TANC1: variants seen among roughly 807,000 people sequenced by gnomAD.
TANC1 encodes protein TANC1.
In TANC1, 77 loss-of-function variants were observed where a neutral mutation model predicts 149.7. The observed-to-expected ratio is 0.51, with a 90% CI of 0.43 to 0.62. TANC1 has a LOEUF of 0.62. Among genes scored for constraint, TANC1 ranks in the 20% least tolerant of loss-of-function variants. The pLI is 0.00. For synonymous variants in TANC1, 854 were observed against 925.0 expected (o/e 0.92, Z 1.39); for missense variants, 1,985 against 2,321.8 (o/e 0.85, Z 2.98).
At chr2:159,181,966 A>T (rs1008527559) in intron 14 of TANC1, among the ~76,000 whole-genome samples, 1 of 152,062 alleles carries the variant, frequency 6.6e-6, no homozygotes, top group African/African-American at 2.4e-5. Context: ...TTTGGGAGGC[A>T]GAGATGGGTG....
intron 3 of TANC1, among the ~76,000 whole-genome samples, chr2:159,075,416 CAAAA>C (rs55932985): frequency 1.4e-5 from 2 of 143,926 alleles, no homozygotes; most frequent in Admixed American, 7.0e-5. Context: ...AAAAAAAAAA[CAAAA>C]AAAAAACTGG....
At chr2:159,196,436 C>T (rs1304872358) in intron 17 of TANC1, among the ~76,000 whole-genome samples, 172 bp from the exon 18 acceptor site, 2 of 152,188 alleles carry the variant, frequency 1.3e-5, no homozygotes, top group African/African-American at 2.4e-5. Context: ...ACATTCATTA[C>T]CATCTGGAAG....
chr2:159,025,018 C>T (rs2039148153), intron 2 of TANC1, among the ~76,000 whole-genome samples: 1 of 152,150 alleles, frequency 6.6e-6, no homozygotes, highest in African/African-American at 2.4e-5. Flanking sequence ...TCCTCTATCC[C>T]CATCATTAAG....
At chr2:158,988,763 C>T (rs2035300472) in intron 1 of TANC1, among the ~76,000 whole-genome samples, 1 of 152,164 alleles carries the variant, frequency 6.6e-6, no homozygotes, top group Non-Finnish European at 1.5e-5. Context: ...AGCAGGCATT[C>T]TTTCTTCCTA....
intron 1 of TANC1, among the ~76,000 whole-genome samples, chr2:158,995,921 G>T (rs1477353963): frequency 6.6e-6 from 1 of 152,204 alleles, no homozygotes; most frequent in Non-Finnish European, 1.5e-5. Flanking sequence ...GGTGCACTCT[G>T]CCTGGTCCAC....
intron 4 of TANC1, among the ~76,000 whole-genome samples, chr2:159,117,192 C>T (rs2048350992): frequency 6.6e-6 from 1 of 152,086 alleles, no homozygotes; most frequent in South Asian, 2.1e-4. Context: ...GTGACGAGAC[C>T]TCTTAGTTAC....
chr2:159,206,223 G>A (rs1218606086), intron 19 of TANC1, among the ~76,000 whole-genome samples: 1 of 152,166 alleles, frequency 6.6e-6, no homozygotes, highest in Non-Finnish European at 1.5e-5. Flanking sequence ...GGACAAAGTG[G>A]GGTTACCAAC....
intron 2 of TANC1, among the ~76,000 whole-genome samples, chr2:159,010,163 G>A (rs1231371611): frequency 6.6e-6 from 1 of 152,116 alleles, no homozygotes; most frequent in Non-Finnish European, 1.5e-5. Flanking sequence ...AGCTAGTCTG[G>A]CAGTATTCAG....
At position 159,181,156 on chromosome 2, in the gene TANC1, T is replaced by C. The variant is rs2056426090; in HGVS notation, c.2510+1993T>C. Among the ~76,000 whole-genome samples the C allele has an allele frequency of 1.3e-5, 2 of 152,236 alleles. 1 individual carries two copies. The highest frequency in any genetic ancestry group is 4.1e-4 in the South Asian group (2 of 4,828). On this transcript the variant is annotated intron_variant, in intron 14 of 26. Coordinates refer to ENST00000263635, the MANE Select transcript of TANC1 (RefSeq NM_033394.3). The stretch of plus-strand genomic sequence containing the variant: ...TCTTCTTTTTCTCTTGGAATTCTTA[T>C]CTGGGTTTTTGCTTAACACATCACG...
In TANC1 at chr2:159,081,621, G is replaced by A. The variant is rs76039206; in HGVS notation, c.61+15650G>A. On this transcript the variant is annotated intron_variant, in intron 3 of 26. Transcript: ENST00000263635. ...TGTTGGGGAGAAATTGATGGGAGAT[G>A]AGAAAACAGTTTGGATTTTGTGTAT... Among the ~76,000 whole-genome samples the A allele has an allele frequency of 2.1e-3, 318 of 152,342 alleles. 2 individuals are homozygous for A. Among genetic ancestry groups the A allele is most frequent in the African/African-American group, 7.1e-3 (295 of 41,574 alleles).
At chr2:159,099,968 G>A (rs192341471) in intron 4 of TANC1, among the ~76,000 whole-genome samples, 1 of 152,136 alleles carries the variant, frequency 6.6e-6, no homozygotes, top group South Asian at 2.1e-4. Context: ...GTATCACTGA[G>A]TAGTTTTTTC....
intron 5 of TANC1, among the ~76,000 whole-genome samples, chr2:159,146,500 G>A (rs2052101901): frequency 6.6e-6 from 1 of 150,466 alleles, no homozygotes; most frequent in Non-Finnish European, 1.5e-5. Flanking sequence ...GTGCAGTTAA[G>A]AGAACAGTTG....
intron 2 of TANC1, among the ~76,000 whole-genome samples, chr2:159,039,892 G>A (rs570578160): frequency 2.0e-5 from 3 of 152,282 alleles, no homozygotes; most frequent in African/African-American, 7.2e-5. Flanking sequence ...CTGAGTTCAA[G>A]TCCTGGCTAT....
chr2:159,040,833 G>A (rs755778428), intron 2 of TANC1, among the ~76,000 whole-genome samples: 2 of 152,198 alleles, frequency 1.3e-5, no homozygotes, highest in African/African-American at 2.4e-5. Flanking sequence ...CTTTGGAGGA[G>A]AAGAGGCATT....
intron 2 of TANC1, chr2:159,003,967 T>G: frequency 1.9e-6 from 3 of 1,612,286 alleles, no homozygotes; most frequent in Non-Finnish European, 2.5e-6. Flanking sequence ...AGCTTCAGAG[T>G]TCTCTAAAAA....
intron 26 of TANC1, 75 bp from the exon 27 acceptor site, chr2:159,229,503 G>A: frequency 8.1e-7 from 1 of 1,240,994 alleles, no homozygotes; most frequent in African/African-American, 1.5e-5. Context: ...TTTGAGCACA[G>A]CTCTTTTATG....
chr2:158,976,220 G>GA (rs1037714490), intron 1 of TANC1, among the ~76,000 whole-genome samples: 1 of 152,164 alleles, frequency 6.6e-6, no homozygotes, highest in Non-Finnish European at 1.5e-5. Context: ...AAGAATGTTA[G>GA]AAAAAATTAA....
chr2:159,097,938 C>T, intron 4 of TANC1, 104 bp downstream of exon 4: 9 of 969,936 alleles, frequency 9.3e-6, no homozygotes, highest in Admixed American at 2.2e-5. Context: ...AATGTTTTTT[C>T]TTTGTCGCAG....
chr2:159,121,797 G>T (rs900854744), intron 4 of TANC1, among the ~76,000 whole-genome samples: 1 of 152,194 alleles, frequency 6.6e-6, no homozygotes, highest in Admixed American at 6.5e-5. Context: ...TTACAGACCT[G>T]TAAACTAGTC....
Sources: gnomAD v4.1 joint callset for allele counts (sites outside exome capture counted in the v4.1 genomes callset) on GRCh38, gnomAD v4.1.1 for gene constraint, MANE v1.5 for transcripts, NCBI Gene and HGNC (gene_info 2026-07-23, HGNC 2026-07-21) for gene names.